IFI16: variants seen among roughly 807,000 people sequenced by gnomAD.
The protein encoded by IFI16 is interferon gamma inducible protein 16.
IFI16 carries 49 observed loss-of-function variants against 68.4 expected under a neutral mutation model. The observed-to-expected ratio is 0.72, with a 90% CI of 0.57 to 0.91. The LOEUF (loss-of-function observed/expected upper bound fraction) is 0.91. Among genes scored for constraint, IFI16 ranks in the 40% least tolerant of loss-of-function variants. The probability of loss-of-function intolerance (pLI) is 0.00; values close to 1 mark genes in which losing one functional copy is unlikely to be tolerated. For synonymous variants in IFI16, 307 were observed against 315.0 expected (o/e 0.97, Z 0.27); for missense variants, 878 against 942.9 (o/e 0.93, Z 0.90).
In IFI16 at chr1:159,024,798, GA is replaced by G. The variant is rs372228916; in HGVS notation, c.1161+4276del. On this transcript the variant is annotated intron_variant, in intron 6 of 11. Transcript: ENST00000295809. Reference sequence around the variant, plus strand: ...TATAACAAAGGAGCTAATAACAAAAGAAAAAAATATATAAAAGATGTATTAA... The same window carrying G: ...TATAACAAAGGAGCTAATAACAAAAGAAAAAATATATAAAAGATGTATTAA... 9.1e-3 allele frequency among the ~76,000 whole-genome samples: 1,382 copies of G among 151,990 alleles called. 19 individuals carry two copies. The highest frequency in any genetic ancestry group is 0.029 in the African/African-American group (1,219 of 41,472).
rs199556510 is a variant in IFI16, at chr1:159,020,370, C to T, written c.1002C>T (p.Tyr334=). 37 of 1,609,906 alleles carry T rather than the reference C, an allele frequency of 2.3e-5. No individual in the cohort carries two copies. The highest frequency in any genetic ancestry group is 1.8e-4 in the South Asian group (16 of 90,208). Residue 334 remains tyrosine, a synonymous_variant, in exon 6 of 12, where the codon TAC becomes TAT. Transcript: ENST00000295809. ...KKTVNQKTTI[Y]EIQDDRGKMD... is the part of the protein sequence containing the mutation. Reference sequence around the variant, plus strand: ...CAGTAAATCAGAAGACCACAATCTACGAAATTCAGGATGATAGAGGAAAAA... The same window carrying T: ...CAGTAAATCAGAAGACCACAATCTATGAAATTCAGGATGATAGAGGAAAAA...
At chr1:159,011,749 T>C (rs537325410) in intron 1 of IFI16, among the ~76,000 whole-genome samples, 147 of 152,280 alleles carry the variant, frequency 9.7e-4, no homozygotes, top group Non-Finnish European at 1.2e-3. Flanking sequence ...CTTTAGTTAT[T>C]CCTTGCAAGA....
intron 11 of IFI16, among the ~76,000 whole-genome samples, chr1:159,054,355 A>G (rs1359855127): frequency 6.6e-6 from 1 of 152,218 alleles, no homozygotes; most frequent in African/African-American, 2.4e-5. Flanking sequence ...AAATAGTTCA[A>G]AACAAAGGCT....
At chr1:159,038,267 C>G (rs920462084) in intron 7 of IFI16, among the ~76,000 whole-genome samples, 1 of 152,124 alleles carries the variant, frequency 6.6e-6, no homozygotes, top group African/African-American at 2.4e-5. Context: ...TAATAAGGTG[C>G]ATAACGGGCC....
intron 7 of IFI16, among the ~76,000 whole-genome samples, chr1:159,042,434 G>A (rs1280547147): frequency 6.6e-6 from 1 of 152,020 alleles, no homozygotes; most frequent in Admixed American, 6.6e-5. Flanking sequence ...GTTTCTTTGC[G>A]ATCCTTTCTC....
At chr1:159,021,145 T>C (rs927127789) in intron 6 of IFI16, among the ~76,000 whole-genome samples, 5 of 152,228 alleles carry the variant, frequency 3.3e-5, no homozygotes, top group African/African-American at 9.6e-5. Context: ...TGCTTCGTTA[T>C]AGGAATAAGT....
intron 6 of IFI16, among the ~76,000 whole-genome samples, chr1:159,023,185 G>A (rs950350599): frequency 6.6e-6 from 1 of 151,930 alleles, no homozygotes; most frequent in Non-Finnish European, 1.5e-5. Flanking sequence ...TAGAATTGTT[G>A]GCAAGTTTAT....
At chr1:159,053,415 A>G in intron 10 of IFI16, 118 bp from the exon 11 acceptor site, 1 of 625,290 alleles carries the variant, frequency 1.6e-6, no homozygotes, top group East Asian at 2.8e-5. Flanking sequence ...GTTATTCAGG[A>G]CCTACAGCTC....
At chr1:159,038,837 T>C (rs1309083185) in intron 7 of IFI16, among the ~76,000 whole-genome samples, 5 of 152,138 alleles carry the variant, frequency 3.3e-5, no homozygotes. Flanking sequence ...ATTCTGAATA[T>C]CTGATGCACA....
chr1:159,011,436 T>C (rs140853922), intron 1 of IFI16, among the ~76,000 whole-genome samples: 1,812 of 152,018 alleles, frequency 0.012, 19 homozygotes, highest in Non-Finnish European at 0.017. Context: ...CACATACATG[T>C]TATGTGTATA....
chr1:159,013,567 C>A (rs939754022), intron 1 of IFI16, among the ~76,000 whole-genome samples: 66 of 152,222 alleles, frequency 4.3e-4, no homozygotes, highest in African/African-American at 1.5e-3. Flanking sequence ...GAATCCATAC[C>A]TTGCACTGTC....
chr1:159,049,820 T>C (rs188470422), intron 9 of IFI16, among the ~76,000 whole-genome samples: 3 of 152,352 alleles, frequency 2.0e-5, no homozygotes, highest in Admixed American at 6.5e-5. Flanking sequence ...GATGTTTGTT[T>C]AATTTTATTT....
chr1:159,006,524 G>A (rs1015838954), upstream of IFI16, among the ~76,000 whole-genome samples: 8 of 152,100 alleles, frequency 5.3e-5, no homozygotes, highest in Non-Finnish European at 1.0e-4. Flanking sequence ...CTTTTGAAAC[G>A]CTGAGGATCT....
At chr1:159,026,480 G>A (rs558886994) in intron 6 of IFI16, among the ~76,000 whole-genome samples, 2 of 152,080 alleles carry the variant, frequency 1.3e-5, no homozygotes, top group East Asian at 3.9e-4. Flanking sequence ...TGTATCTTTA[G>A]TAGAGATGGG....
upstream of IFI16, chr1:159,009,752 A>G (rs946550565): frequency 1.3e-5 from 2 of 152,178 alleles, no homozygotes; most frequent in Non-Finnish European, 2.9e-5. Flanking sequence ...ATCACCCGAA[A>G]AATGTTAACT....
intron 5 of IFI16, 112 bp from the exon 6 acceptor site, chr1:159,020,229 A>G: frequency 1.4e-6 from 1 of 717,878 alleles, no homozygotes; most frequent in Non-Finnish European, 2.4e-6. Flanking sequence ...GCATATCTGT[A>G]CTAGGAGTTG....
At chr1:159,048,850 T>G (rs1655162235) in intron 8 of IFI16, among the ~76,000 whole-genome samples, 1 of 151,528 alleles carries the variant, frequency 6.6e-6, no homozygotes, top group Non-Finnish European at 1.5e-5. Flanking sequence ...GGTGGAATAT[T>G]AAATTGTTCT....
At chr1:159,030,714 G>A (rs1653947125) in intron 6 of IFI16, among the ~76,000 whole-genome samples, 1 of 152,192 alleles carries the variant, frequency 6.6e-6, no homozygotes, top group African/African-American at 2.4e-5. Context: ...AACTCCATGA[G>A]GGTCCTTGGT....
intron 6 of IFI16, among the ~76,000 whole-genome samples, chr1:159,023,697 T>G (rs979357973): frequency 1.3e-5 from 2 of 152,088 alleles, no homozygotes; most frequent in African/African-American, 2.4e-5. Flanking sequence ...TAAGTACTGC[T>G]CCAATTATTT....
Sources: allele counts gnomAD v4.1 joint callset (sites outside exome capture counted in the v4.1 genomes callset), GRCh38; gene constraint gnomAD v4.1.1; transcripts MANE v1.5; gene names NCBI Gene and HGNC (gene_info 2026-07-23, HGNC 2026-07-21).